Variants in MAML3 observed in about 807,000 individuals in gnomAD.
MAML3 encodes mastermind like transcriptional coactivator 3.
In MAML3, 27 loss-of-function variants were observed where a neutral mutation model predicts 101.9. The observed-to-expected ratio is 0.27, with a 90% CI of 0.20 to 0.37. The LOEUF (loss-of-function observed/expected upper bound fraction) is 0.37, where lower values mean the gene tolerates loss of function less well. MAML3 is among the 10% of genes least tolerant of loss of function. MAML3 has a pLI of 1.00. For missense variants in MAML3, 1,316 were observed against 1,444.9 expected, an observed-to-expected ratio of 0.91 and a Z score of 1.45; for synonymous variants, 501 against 555.9, an observed-to-expected ratio of 0.90 and a Z score of 1.39.
chr4:140,069,378 AAGAAGAAGGAGGAGGAGG>A (rs1727593776), intron 1 of MAML3, among the ~76,000 whole-genome samples: 2 of 119,094 alleles, frequency 1.7e-5, no homozygotes, highest in African/African-American at 6.3e-5. Context: ...GAAGAAGAAG[AAGAAGAAGGAGGAGGAGG>A]AGGAGGAGGA....
At chr4:139,946,921 ACACACTCTCTCT>A (rs1270927824) in intron 1 of MAML3, among the ~76,000 whole-genome samples, 2,913 of 68,650 alleles carry the variant, frequency 0.042, 77 homozygotes, top group African/African-American at 0.14. Context: ...ACACACACAC[ACACACTCTCTCT>A]CTCTCTCTCT....
Position 139,944,818 on chromosome 4 carries a change from T to TG in MAML3, c.469-53852dup, listed in dbSNP as rs565652686. Among the ~76,000 whole-genome samples, 637 of 145,748 alleles carry TG rather than the reference T, an allele frequency of 4.4e-3. 8 individuals are homozygous for TG. The highest frequency in any genetic ancestry group is 0.015 in the African/African-American group (596 of 38,892). ...GAAACAACAGGTGCTGGAGAGGATG[T>TG]GGAGAAATAGGAACACTTTTACACT... On this transcript the variant is annotated intron_variant, in intron 1 of 4. Coordinates refer to ENST00000509479, the MANE Select transcript of MAML3 (RefSeq NM_018717.5).
intron 2 of MAML3, among the ~76,000 whole-genome samples, chr4:139,798,062 A>G (rs1387502940): frequency 9.9e-4 from 149 of 149,894 alleles, no homozygotes; most frequent in African/African-American, 3.4e-3. Context: ...GAAAGAAAGA[A>G]AGAAAGAAAG....
At chr4:139,864,940 T>TTG (rs1560818228) in intron 2 of MAML3, among the ~76,000 whole-genome samples, 1 of 144,254 alleles carries the variant, frequency 6.9e-6, no homozygotes, top group Non-Finnish European at 1.5e-5. Flanking sequence ...TTTTTTTTTT[T>TTG]TTTTTTTTTT....
intron 2 of MAML3, among the ~76,000 whole-genome samples, chr4:139,790,216 C>CATATATATATAT (rs367675413): frequency 0.013 from 1,399 of 110,066 alleles, 9 homozygotes; most frequent in Non-Finnish European, 0.014. Flanking sequence ...ACCCTAGTGA[C>CATATATATATAT]ATATATATAT....
At chr4:140,149,274 A>C (rs1040707253) in intron 1 of MAML3, among the ~76,000 whole-genome samples, 1 of 152,176 alleles carries the variant, frequency 6.6e-6, no homozygotes, top group African/African-American at 2.4e-5. Flanking sequence ...ATTTGACTAC[A>C]TGTTCAGAAC....
intron 2 of MAML3, among the ~76,000 whole-genome samples, chr4:139,807,732 T>G (rs1730725443): frequency 6.6e-6 from 1 of 152,218 alleles, no homozygotes; most frequent in East Asian, 1.9e-4. Flanking sequence ...CTTTTGAAGT[T>G]AGATCACTGG....
At chr4:139,848,884 ATT>A (rs1372419631) in intron 2 of MAML3, among the ~76,000 whole-genome samples, 3 of 152,188 alleles carry the variant, frequency 2.0e-5, no homozygotes, top group Non-Finnish European at 2.9e-5. Context: ...CACCAAATGT[ATT>A]CTTTGGCCAT....
chr4:139,827,708 A>C (rs1731086958), intron 2 of MAML3, among the ~76,000 whole-genome samples: 1 of 152,246 alleles, frequency 6.6e-6, no homozygotes, highest in African/African-American at 2.4e-5. Context: ...GTGGAAATAT[A>C]ATGTGCCTAT....
At chr4:139,761,330 G>C (rs1729755577) in intron 2 of MAML3, among the ~76,000 whole-genome samples, 1 of 152,292 alleles carries the variant, frequency 6.6e-6, no homozygotes, top group Admixed American at 6.5e-5. Flanking sequence ...CGACAGAATG[G>C]ACCATGGAAC....
chr4:139,732,047 G>A (rs1728747736), intron 2 of MAML3, among the ~76,000 whole-genome samples: 1 of 152,144 alleles, frequency 6.6e-6, no homozygotes, highest in Non-Finnish European at 1.5e-5. Flanking sequence ...GATTAAATGG[G>A]CACACATATA....
rs1323898223 is a variant in MAML3, at chr4:139,730,568, G to A, written c.2179C>T (p.Pro727Ser). The A allele has an allele frequency of 1.9e-6, 3 of 1,600,512 alleles. No individual in the cohort carries two copies. The highest frequency in any genetic ancestry group is 1.1e-5 in the South Asian group (1 of 88,380). ...GMVSGASPAG[P>S]GFLGSQPQAA... ...TGGGGCTGGCTGCCCAGGAAGCCGG[G>A]GCCTGCGGGACTGGCTCCTGAGACC... The change falls in exon 3 of 5, where the codon CCC becomes TCC. Residue 727 changes from proline (P) to serine (S), a missense_variant. Transcript: ENST00000509479.
intron 2 of MAML3, among the ~76,000 whole-genome samples, chr4:139,748,972 T>C (rs1729414278): frequency 1.3e-5 from 2 of 152,122 alleles, no homozygotes; most frequent in South Asian, 2.1e-4. Flanking sequence ...GTGGGCACGA[T>C]TGTGGCTGCA....
chr4:139,983,146 T>C (rs1393971791), intron 1 of MAML3, among the ~76,000 whole-genome samples: 1 of 152,228 alleles, frequency 6.6e-6, no homozygotes, highest in Non-Finnish European at 1.5e-5. Context: ...GGTACATTCT[T>C]TGTGCTGTAA....
intron 2 of MAML3, among the ~76,000 whole-genome samples, chr4:139,858,201 G>C (rs997568242): frequency 5.3e-5 from 8 of 152,202 alleles, no homozygotes; most frequent in African/African-American, 1.9e-4. Context: ...TAAGTAACTT[G>C]TCTAAAGTCA....
At chr4:139,943,005 A>G (rs543928271) in intron 1 of MAML3, among the ~76,000 whole-genome samples, 1 of 152,368 alleles carries the variant, frequency 6.6e-6, no homozygotes, top group African/African-American at 2.4e-5. Context: ...TTTGTTCAAC[A>G]AAAGCCATAT....
At chr4:139,807,289 G>C (rs2111108636) in intron 2 of MAML3, among the ~76,000 whole-genome samples, 1 of 152,086 alleles carries the variant, frequency 6.6e-6, no homozygotes, top group African/African-American at 2.4e-5. Flanking sequence ...ATTATTTTGT[G>C]TGTGTGTGTG....
intron 1 of MAML3, among the ~76,000 whole-genome samples, chr4:140,077,345 G>A (rs187089700): frequency 3.3e-5 from 5 of 152,224 alleles, no homozygotes; most frequent in South Asian, 2.1e-4. Context: ...GCCATAAAAG[G>A]AAGCAGAGGG....
At chr4:139,793,721 C>CA (rs1379653099) in intron 2 of MAML3, among the ~76,000 whole-genome samples, 1 of 152,230 alleles carries the variant, frequency 6.6e-6, no homozygotes, top group Non-Finnish European at 1.5e-5. Context: ...AACTTACACA[C>CA]TATCTGAGTC....
Sources: gnomAD v4.1 joint callset for allele counts (sites outside exome capture counted in the v4.1 genomes callset) on GRCh38, gnomAD v4.1.1 for gene constraint, MANE v1.5 for transcripts, NCBI Gene and HGNC (gene_info 2026-07-23, HGNC 2026-07-21) for gene names.